The following ACTR3C variants were observed in gnomAD, a reference collection of about 807,000 sequenced individuals.
ACTR3C encodes actin-related protein 3C.
ACTR3C carries 18 observed loss-of-function variants against 26.3 expected under a neutral mutation model. The ratio of observed to expected loss-of-function variants is 0.68; its 90% CI spans 0.47 to 1.01. ACTR3C has a LOEUF of 1.01. ACTR3C is among the 50% of genes least tolerant of loss of function. The pLI is 0.00. For synonymous variants in ACTR3C, 55 were observed against 94.5 expected (o/e 0.58, Z 2.42); for missense variants, 184 against 250.7 (o/e 0.73, Z 1.80).
chr7:149,902,955 AAG>A, the ACTR3C span, among the ~76,000 whole-genome samples: 475 of 29,272 alleles, frequency 0.016, 32 homozygotes, highest in African/African-American at 0.023. Flanking sequence ...AAAAAAAAGA[AAG>A]AAAGAGTACA....
chr7:149,917,717 G>A, the ACTR3C span, among the ~76,000 whole-genome samples: 3 of 141,916 alleles, frequency 2.1e-5, no homozygotes, highest in African/African-American at 5.3e-5. Flanking sequence ...GCTCATTGCA[G>A]CATTGACCTC....
the ACTR3C span, among the ~76,000 whole-genome samples, chr7:149,893,357 G>A: frequency 2.4e-4 from 36 of 152,290 alleles, no homozygotes; most frequent in Middle Eastern, 3.4e-3. Context: ...ATTCCTTGAT[G>A]TCAGATAACA....
At chr7:150,018,346 A>AT in the ACTR3C span, among the ~76,000 whole-genome samples, 18,062 of 143,350 alleles carry the variant, frequency 0.13, 1,558 homozygotes, top group South Asian at 0.21. Context: ...TGGCCCAGGC[A>AT]TTTTTTTTTT....
At chr7:149,885,831 C>T in the ACTR3C span, among the ~76,000 whole-genome samples, 3 of 152,250 alleles carry the variant, frequency 2.0e-5, no homozygotes, top group East Asian at 5.8e-4. Flanking sequence ...ATTCAGCAAA[C>T]ATATTTCTCT....
At chr7:150,069,207 TTGCCTACAGACA>T in the ACTR3C span, among the ~76,000 whole-genome samples, 2 of 152,248 alleles carry the variant, frequency 1.3e-5, no homozygotes, top group African/African-American at 4.8e-5. Context: ...ACTGTGTATT[TTGCCTACAGACA>T]TGCTGAAGGG....
At chr7:150,022,532 C>A in the ACTR3C span, among the ~76,000 whole-genome samples, 2 of 151,964 alleles carry the variant, frequency 1.3e-5, no homozygotes, top group East Asian at 3.9e-4. Context: ...ATCCTCCCTG[C>A]CCTGGTTCTT....
At chr7:150,253,590 A>C (rs1832998717) in intron 6 of ACTR3C, among the ~76,000 whole-genome samples, 1 of 152,078 alleles carries the variant, frequency 6.6e-6, no homozygotes, top group Non-Finnish European at 1.5e-5. Flanking sequence ...TAGCTCTCAG[A>C]GGATGTTCTT....
At chr7:150,102,395 A>G in the ACTR3C span, among the ~76,000 whole-genome samples, 3 of 152,134 alleles carry the variant, frequency 2.0e-5, no homozygotes, top group South Asian at 6.2e-4. Context: ...ATATTCAGGA[A>G]CTTATTTTTC....
At chr7:150,146,840 AAAAT>A in the ACTR3C span, among the ~76,000 whole-genome samples, 2 of 152,212 alleles carry the variant, frequency 1.3e-5, no homozygotes, top group African/African-American at 4.8e-5. Context: ...TTATTGTAAT[AAAAT>A]AAATTTTATT....
At chr7:150,026,755 GA>G in the ACTR3C span, among the ~76,000 whole-genome samples, 102 of 151,840 alleles carry the variant, frequency 6.7e-4, no homozygotes, top group African/African-American at 2.1e-3. Flanking sequence ...TGTCATTCAG[GA>G]AAAAAAATCT....
chr7:149,993,314 C>T, the ACTR3C span, among the ~76,000 whole-genome samples: 11 of 152,002 alleles, frequency 7.2e-5, no homozygotes, highest in South Asian at 1.5e-3. Flanking sequence ...AATTGGAGAG[C>T]GGGGAGCTGG....
At chr7:150,234,870 C>G in the ACTR3C span, among the ~76,000 whole-genome samples, 1 of 152,162 alleles carries the variant, frequency 6.6e-6, no homozygotes, top group South Asian at 2.1e-4. Context: ...ACCTTATGCT[C>G]TCCTGTTTTA....
At chr7:149,992,850 G>A in the ACTR3C span, among the ~76,000 whole-genome samples, 5 of 152,276 alleles carry the variant, frequency 3.3e-5, no homozygotes, top group Non-Finnish European at 7.4e-5. Flanking sequence ...GAGAGAAGCC[G>A]GTAGTGGCTC....
the ACTR3C span, among the ~76,000 whole-genome samples, chr7:150,018,635 A>G: frequency 1.3e-5 from 2 of 150,312 alleles, 1 homozygote; most frequent in African/African-American, 5.0e-5. Context: ...TTAACAACAA[A>G]AAAAATCCCC....
At chr7:150,323,167 G>A (rs1162757558) in intron 1 of ACTR3C, 1 of 210,174 alleles carries the variant, frequency 4.8e-6, no homozygotes, top group Non-Finnish European at 9.7e-6. Flanking sequence ...CTTCGCTTCC[G>A]GCCGCACCGC....
chr7:150,129,151 G>A, the ACTR3C span, among the ~76,000 whole-genome samples: 32,777 of 143,840 alleles, frequency 0.23, 3,296 homozygotes, highest in African/African-American at 0.47. Flanking sequence ...ATAATCACAC[G>A]TCAAAATTCA....
At chr7:149,891,222 C>G in the ACTR3C span, 6 of 1,197,654 alleles carry the variant, frequency 5.0e-6, no homozygotes, top group Non-Finnish European at 7.1e-6. Context: ...AGGTTCAGCT[C>G]GAAGATATTT....
At chr7:150,047,911 C>T in the ACTR3C span, 1 of 1,344,810 alleles carries the variant, frequency 7.4e-7, no homozygotes. Context: ...TGCTTTCTCT[C>T]CGGTTCCCAC....
the ACTR3C span, among the ~76,000 whole-genome samples, chr7:150,110,477 AAG>A: frequency 2.4e-5 from 3 of 124,370 alleles, no homozygotes; most frequent in African/African-American, 1.0e-4. Context: ...GGGGCTTACT[AAG>A]AGATTCACTC....
Sources: allele counts gnomAD v4.1 joint callset (sites outside exome capture counted in the v4.1 genomes callset), GRCh38; gene constraint gnomAD v4.1.1; transcripts MANE v1.5; gene names NCBI Gene and HGNC (gene_info 2026-07-23, HGNC 2026-07-21).